Variants in RBFOX1 observed in about 807,000 individuals in gnomAD.
RBFOX1 encodes the protein RNA binding protein fox-1 homolog 1.
RBFOX1 carries 8 observed loss-of-function variants against 57.7 expected under a neutral mutation model. That is an observed-to-expected ratio of 0.14 (90% CI 0.08 to 0.25). The LOEUF (loss-of-function observed/expected upper bound fraction) is 0.25, where lower values mean the gene tolerates loss of function less well. RBFOX1 is among the 10% of genes least tolerant of loss of function. The pLI is 1.00. For missense variants in RBFOX1, 611 were observed against 548.5 expected (o/e 1.11, Z -1.14); for synonymous variants, 326 against 222.4 (o/e 1.47, Z -4.15).
chr16:6,121,525 A>T (rs760829934), intron 1 of RBFOX1, among the ~76,000 whole-genome samples: 10 of 151,928 alleles, frequency 6.6e-5, no homozygotes, highest in Non-Finnish European at 1.3e-4. Flanking sequence ...AGCCACATTA[A>T]CCTTTTTGTT....
At position 6,291,580 on chromosome 16, in the gene RBFOX1, G is replaced by T. The variant is rs376079661; in HGVS notation, c.-126-25415G>T. Among the ~76,000 whole-genome samples the T allele has an allele frequency of 1.9e-4, 29 of 152,296 alleles. No homozygotes were observed. In the East Asian group the frequency reaches 2.5e-3, roughly 13 times the overall value. On this transcript the variant is annotated intron_variant, in intron 1 of 15. Coordinates refer to ENST00000550418, the MANE Select transcript of RBFOX1 (RefSeq NM_018723.4). ...CCTCGGTGTAATGGCTACAAAGATG[G>T]AAAGCTACATACCTCCCTCACCTCT...
chr16:7,120,179 C>T (rs547521719), intron 4 of RBFOX1, among the ~76,000 whole-genome samples: 8 of 151,960 alleles, frequency 5.3e-5, no homozygotes, highest in South Asian at 4.1e-4. Flanking sequence ...TGGTGGGAAG[C>T]GAAAGCAGTG....
At chr16:6,298,559 G>A (rs1272431581) in intron 1 of RBFOX1, among the ~76,000 whole-genome samples, 1 of 152,164 alleles carries the variant, frequency 6.6e-6, no homozygotes. Context: ...GCTGTAAAGT[G>A]CCTGAACTTT....
At chr16:6,622,124 T>C (rs1047625993) in intron 2 of RBFOX1, among the ~76,000 whole-genome samples, 29 of 152,200 alleles carry the variant, frequency 1.9e-4, no homozygotes, top group African/African-American at 6.8e-4. Flanking sequence ...TATTGGCATA[T>C]TGTAGGCATT....
chr16:7,442,515 G>C (rs1363969801), intron 4 of RBFOX1, among the ~76,000 whole-genome samples: 1 of 152,116 alleles, frequency 6.6e-6, no homozygotes, highest in African/African-American at 2.4e-5. Context: ...ATAAAAATGA[G>C]GAGGCCGCAA....
At chr16:7,491,175 C>G (rs974787349) in intron 4 of RBFOX1, among the ~76,000 whole-genome samples, 1 of 152,118 alleles carries the variant, frequency 6.6e-6, no homozygotes, top group Admixed American at 6.5e-5. Context: ...GAAGCCAATT[C>G]TTCAACCACC....
chr16:7,697,561 TATGC>T (rs2079183639), intron 14 of RBFOX1, among the ~76,000 whole-genome samples: 1 of 152,168 alleles, frequency 6.6e-6, no homozygotes, highest in African/African-American at 2.4e-5. Context: ...ATAAACTATA[TATGC>T]ATGTATATAT....
At chr16:6,546,016 C>T (rs1363527397) in intron 2 of RBFOX1, among the ~76,000 whole-genome samples, 1 of 152,114 alleles carries the variant, frequency 6.6e-6, no homozygotes. Context: ...TTGTCTTGGG[C>T]TCTAAATAAA....
rs114148768 is a variant in RBFOX1 at position 5,766,751 on chromosome 16, G to A, written c.319-100552G>A. Among the ~76,000 whole-genome samples, 975 of 152,158 alleles carry A rather than the reference G, an allele frequency of 6.4e-3. 13 individuals are homozygous for A. Among genetic ancestry groups the A allele is most frequent in the African/African-American group, 0.023 (936 of 41,518 alleles). On this transcript the variant is annotated intron_variant, in intron 3 of 19. Coordinates refer to the RBFOX1 transcript ENST00000641259. ...AGATGTCAACATGAGATTTGGGTGGGGACAAACATCCAAACTGTATCAGAA... is the reference window on the plus strand; with the variant it reads ...AGATGTCAACATGAGATTTGGGTGGAGACAAACATCCAAACTGTATCAGAA...
intron 10 of RBFOX1, among the ~76,000 whole-genome samples, chr16:7,622,216 CTG>C (rs1192005938): frequency 6.6e-6 from 1 of 151,702 alleles, no homozygotes; most frequent in African/African-American, 2.4e-5. Context: ...ATCACGAGAT[CTG>C]TGTCACCTCA....
chr16:5,620,880 C>G (rs1458604296), intron 3 of RBFOX1, among the ~76,000 whole-genome samples: 2 of 151,992 alleles, frequency 1.3e-5, no homozygotes, highest in Non-Finnish European at 2.9e-5. Context: ...TTGCTCTGTC[C>G]CCCAGGCTGG....
chr16:5,819,648 C>T (rs191774520), intron 3 of RBFOX1, among the ~76,000 whole-genome samples: 4 of 152,348 alleles, frequency 2.6e-5, no homozygotes, highest in East Asian at 1.9e-4. Context: ...CATTTCCTAT[C>T]CAAGTTGTGT....
At chr16:5,356,413 G>T (rs568360520) in intron 1 of RBFOX1, among the ~76,000 whole-genome samples, 1 of 152,298 alleles carries the variant, frequency 6.6e-6, no homozygotes, top group East Asian at 1.9e-4. Context: ...CTTTCTTCGT[G>T]ACTCAATAAT....
At chr16:7,339,655 G>T (rs1014255415) in intron 4 of RBFOX1, among the ~76,000 whole-genome samples, 1 of 152,162 alleles carries the variant, frequency 6.6e-6, no homozygotes, top group Admixed American at 6.5e-5. Flanking sequence ...GGCTGGGCTG[G>T]TCTTGAACTC....
At chr16:5,672,538 C>T (rs907646628) in intron 3 of RBFOX1, among the ~76,000 whole-genome samples, 15 of 152,290 alleles carry the variant, frequency 9.8e-5, no homozygotes, top group African/African-American at 3.1e-4. Context: ...ACTGTGGAAA[C>T]AGTAAGTGCG....
intron 3 of RBFOX1, among the ~76,000 whole-genome samples, chr16:6,880,519 G>C (rs992912955): frequency 2.6e-5 from 4 of 152,192 alleles, no homozygotes; most frequent in Admixed American, 1.3e-4. Context: ...AGATTTCCTG[G>C]AACCTTGCTA....
At chr16:6,995,838 T>G (rs1568282974) in intron 3 of RBFOX1, among the ~76,000 whole-genome samples, 1 of 152,164 alleles carries the variant, frequency 6.6e-6, no homozygotes, top group Non-Finnish European at 1.5e-5. Context: ...TGAGATTGGT[T>G]CAGATTTTAT....
At chr16:6,034,331 CAAAAAAA>C (rs757260576) in intron 1 of RBFOX1, among the ~76,000 whole-genome samples, 8 of 37,130 alleles carry the variant, frequency 2.2e-4, no homozygotes, top group South Asian at 1.3e-3. Context: ...GACTGTTGCG[CAAAAAAA>C]AAAAAAAAAA....
At chr16:7,170,335 C>T (rs1044264689) in intron 4 of RBFOX1, among the ~76,000 whole-genome samples, 6 of 152,170 alleles carry the variant, frequency 3.9e-5, no homozygotes, top group African/African-American at 1.4e-4. Context: ...TGCAGTGGAG[C>T]AGTCACAGCT....
Sources: gnomAD v4.1 joint callset for allele counts (sites outside exome capture counted in the v4.1 genomes callset) on GRCh38, gnomAD v4.1.1 for gene constraint, MANE v1.5 for transcripts, NCBI Gene and HGNC (gene_info 2026-07-23, HGNC 2026-07-21) for gene names.